Variants in ATP8A2 observed in about 807,000 individuals in gnomAD.
ATP8A2 encodes phospholipid-transporting ATPase IB.
In ATP8A2, 100 loss-of-function variants were observed where a neutral mutation model predicts 165.6. The ratio of observed to expected loss-of-function variants is 0.60; its 90% CI spans 0.51 to 0.71. The LOEUF (loss-of-function observed/expected upper bound fraction) is 0.71. Ranked by LOEUF, ATP8A2 falls within the 30% of genes least tolerant of loss-of-function variation. The probability of loss-of-function intolerance (pLI) is 0.00; values close to 1 mark genes in which losing one functional copy is unlikely to be tolerated. For missense variants in ATP8A2, 1,227 were observed against 1,479.5 expected (o/e 0.83, Z 2.80); for synonymous variants, 543 against 548.8 (o/e 0.99, Z 0.15).
At chr13:25,698,753 C>A (rs954388843) in intron 24 of ATP8A2, among the ~76,000 whole-genome samples, 3 of 152,070 alleles carry the variant, frequency 2.0e-5, no homozygotes, top group Non-Finnish European at 2.9e-5. Context: ...CAGCAGGATT[C>A]AAAATTAATA....
intron 2 of ATP8A2, among the ~76,000 whole-genome samples, chr13:25,480,498 C>G (rs1181726823): frequency 3.4e-5 from 5 of 148,318 alleles, no homozygotes; most frequent in East Asian, 2.1e-4. Context: ...CGGGCAGAGG[C>G]GCTCCTCACA....
chr13:25,377,000 T>A (rs886548914), intron 1 of ATP8A2, among the ~76,000 whole-genome samples: 1 of 152,206 alleles, frequency 6.6e-6, no homozygotes, highest in Non-Finnish European at 1.5e-5. Context: ...ACCCCACAGG[T>A]GGCCAATAAG....
intron 27 of ATP8A2, among the ~76,000 whole-genome samples, chr13:25,807,170 C>T (rs752747386): frequency 2.8e-4 from 42 of 148,320 alleles, no homozygotes; most frequent in Admixed American, 6.7e-4. Context: ...TTTTTTTTAG[C>T]ACAAATGTTT....
chr13:25,767,298 G>C (rs1193088637), intron 25 of ATP8A2, among the ~76,000 whole-genome samples: 1 of 152,214 alleles, frequency 6.6e-6, no homozygotes, highest in Non-Finnish European at 1.5e-5. Context: ...GATAAGCAGT[G>C]TTAAAGCTCC....
In ATP8A2 at chr13:25,450,681, G is replaced by A. The variant is rs908642980; in HGVS notation, c.77-18296G>A. ...CGAGTAGCTGGGACTACAGGCGCCC[G>A]CCACCATGCCCGGCTAATTTTTTGT... On this transcript the variant is annotated intron_variant, in intron 1 of 36. Transcript: ENST00000381655. Among the ~76,000 whole-genome samples, 23 of 152,078 alleles carry A rather than the reference G, an allele frequency of 1.5e-4. No individual in the cohort carries two copies. In the East Asian group the frequency reaches 1.9e-3, roughly 13 times the overall value.
intron 1 of ATP8A2, among the ~76,000 whole-genome samples, chr13:25,405,509 C>T (rs115559587): frequency 0.012 from 1,772 of 152,228 alleles, 41 homozygotes; most frequent in African/African-American, 0.041. Flanking sequence ...GTGTATCCTC[C>T]CTCGCTTCGG....
chr13:25,860,256 A>C lies in ATP8A2; in HGVS notation c.3018A>C (p.Thr1006=). 1 of 1,604,550 alleles carries C rather than the reference A, an allele frequency of 6.2e-7. No homozygotes were observed. ...DYLFVGNIVY[T]YVVVTVCLKA... is the part of the protein sequence containing the mutation. Reference sequence around the variant, plus strand: ...TATTTGTTGGAAATATTGTTTACACAGTAAGTTTATCTCTGTTTATTAAGC... The same window carrying C: ...TATTTGTTGGAAATATTGTTTACACCGTAAGTTTATCTCTGTTTATTAAGC... The change falls in exon 31 of 37, where the codon ACA becomes ACC. Residue 1006 remains threonine (T), a splice_region_variant and synonymous_variant. Transcript: ENST00000381655.
At chr13:25,898,476 G>A (rs953712539) in intron 33 of ATP8A2, among the ~76,000 whole-genome samples, 7 of 152,332 alleles carry the variant, frequency 4.6e-5, no homozygotes, top group Non-Finnish European at 7.3e-5. Flanking sequence ...GGGGGTCAGG[G>A]ACCCACTTGA....
At chr13:25,475,533 C>G (rs991333880) in intron 2 of ATP8A2, among the ~76,000 whole-genome samples, 12 of 152,182 alleles carry the variant, frequency 7.9e-5, no homozygotes, top group Non-Finnish European at 5.9e-5. Flanking sequence ...GGTGTATACC[C>G]AGTAATGGGA....
chr13:25,602,536 T>C (rs939570043), intron 24 of ATP8A2, among the ~76,000 whole-genome samples: 6 of 152,166 alleles, frequency 3.9e-5, no homozygotes, highest in African/African-American at 1.4e-4. Flanking sequence ...AGGGTAAAAT[T>C]GTATGATCAC....
Position 25,383,006 on chromosome 13 carries a change from T to C in ATP8A2, c.76+10718T>C, listed in dbSNP as rs528649289. On this transcript the variant is annotated intron_variant, in intron 1 of 36. Coordinates refer to ENST00000381655, the MANE Select transcript of ATP8A2 (RefSeq NM_016529.6). ...TCCTGACTTCGTGATCTGCCCACCT[T>C]GGCCTCCCAAAGTGCTGGGATTACA... is the stretch of plus-strand genomic sequence containing the variant. 1.1e-3 allele frequency among the ~76,000 whole-genome samples: 161 copies of C among 149,678 alleles called. 2 individuals carry two copies. In the Middle Eastern group the frequency reaches 0.022, roughly 20 times the overall value.
At chr13:25,417,028 C>T (rs1258922839) in intron 1 of ATP8A2, among the ~76,000 whole-genome samples, 2 of 151,692 alleles carry the variant, frequency 1.3e-5, no homozygotes, top group Non-Finnish European at 2.9e-5. Context: ...TGGGCTATCT[C>T]GGGGGGTGGT....
intron 9 of ATP8A2, 116 bp downstream of exon 9, chr13:25,542,162 AC>A: frequency 9.0e-7 from 1 of 1,114,704 alleles, no homozygotes. Flanking sequence ...GAGATTTCAT[AC>A]CCTTTCAATT....
chr13:25,599,321 C>T (rs55719268), intron 24 of ATP8A2, among the ~76,000 whole-genome samples: 18,350 of 152,216 alleles, frequency 0.12, 1,416 homozygotes, highest in Non-Finnish European at 0.18. Flanking sequence ...CCTCTGGGTT[C>T]CTCTTCCCTG....
intron 25 of ATP8A2, among the ~76,000 whole-genome samples, chr13:25,709,411 G>A (rs2043116132): frequency 6.6e-6 from 1 of 152,170 alleles, no homozygotes; most frequent in Admixed American, 6.5e-5. Context: ...AGATATTAGA[G>A]CTTGAGAAAT....
At chr13:25,762,387 A>G (rs1224983970) in intron 25 of ATP8A2, among the ~76,000 whole-genome samples, 1 of 150,750 alleles carries the variant, frequency 6.6e-6, no homozygotes, top group East Asian at 2.0e-4. Context: ...TTTGCAAACG[A>G]TATCTGTCTC....
intron 1 of ATP8A2, among the ~76,000 whole-genome samples, chr13:25,466,438 C>G (rs1052966557): frequency 6.6e-6 from 1 of 152,172 alleles, no homozygotes; most frequent in African/African-American, 2.4e-5. Context: ...ACCTGCCCTC[C>G]CAGCACAAAG....
At chr13:25,893,150 T>TTAACTC (rs1462014059) in intron 33 of ATP8A2, among the ~76,000 whole-genome samples, 1 of 151,232 alleles carries the variant, frequency 6.6e-6, no homozygotes, top group Non-Finnish European at 1.5e-5. Context: ...GCTGCACCCA[T>TTAACTC]TAACTCGTCA....
chr13:25,874,263 C>A (rs554123539), intron 33 of ATP8A2, among the ~76,000 whole-genome samples: 2 of 152,276 alleles, frequency 1.3e-5, no homozygotes, highest in African/African-American at 4.8e-5. Context: ...GTGTGAGGAG[C>A]GAGCTCCTAC....
Sources: gnomAD v4.1 joint callset for allele counts (sites outside exome capture counted in the v4.1 genomes callset) on GRCh38, gnomAD v4.1.1 for gene constraint, MANE v1.5 for transcripts, NCBI Gene and HGNC (gene_info 2026-07-23, HGNC 2026-07-21) for gene names.